Variants in GLRA3 observed in about 807,000 individuals in gnomAD.
GLRA3 encodes the protein glycine receptor alpha 3, also known as glycine receptor subunit alpha-3.
GLRA3 carries 44 observed loss-of-function variants against 60.4 expected under a neutral mutation model. The observed-to-expected ratio is 0.73, with a 90% CI of 0.57 to 0.94. The LOEUF (loss-of-function observed/expected upper bound fraction) is 0.94. GLRA3 is among the 40% of genes least tolerant of loss of function. The pLI is 0.00. For synonymous variants in GLRA3, 223 were observed against 192.9 expected (o/e 1.16, Z -1.29); for missense variants, 508 against 564.6 (o/e 0.90, Z 1.02).
chr4:174,680,520 AG>A (rs1043589292), intron 6 of GLRA3, among the ~76,000 whole-genome samples: 1 of 152,200 alleles, frequency 6.6e-6, no homozygotes, highest in East Asian at 1.9e-4. Context: ...TGGGAGTATT[AG>A]GCTTGGAACA....
intron 3 of GLRA3, among the ~76,000 whole-genome samples, chr4:174,763,505 C>T (rs1362025433): frequency 4.6e-5 from 7 of 152,308 alleles, no homozygotes; most frequent in Non-Finnish European, 7.4e-5. Flanking sequence ...TGTGTATGCA[C>T]CAAATTACAA....
Position 174,637,752 on chromosome 4 carries a change from T to C in GLRA3, c.*6034A>G, listed in dbSNP as rs1182640788. On this transcript the variant is annotated 3_prime_UTR_variant, in exon 10 of 10. Transcript: ENST00000274093. ...AAATTCATATTACTTTGTAGAGTTT[T>C]ATATAATATCTTCATATCTGAAATA... 6.6e-6 allele frequency: 1 copy of C among 152,214 alleles called. No individual in the cohort carries two copies. Among genetic ancestry groups the C allele is most frequent in the Non-Finnish European group, 1.5e-5 (1 of 68,040 alleles). The allele number at this position is 152,214 out of a possible 1,614,324, so 9.4% of individuals were successfully genotyped here.
Position 174,658,259 on chromosome 4 carries a change from T to C in GLRA3, c.1071+795A>G, listed in dbSNP as rs80010325. 4.5e-4 allele frequency among the ~76,000 whole-genome samples: 68 copies of C among 152,296 alleles called. 1 individual carries two copies. Among genetic ancestry groups the C allele is most frequent in the African/African-American group, 1.6e-3 (67 of 41,576 alleles). ...TAAAAGACCATTTGCTTTTAAAATG[T>C]CTGTTGGCACATTCACATTAGAAGT... On this transcript the variant is annotated intron_variant, in intron 8 of 9. Transcript: ENST00000274093.
intron 6 of GLRA3, among the ~76,000 whole-genome samples, chr4:174,682,225 T>G (rs1216536841): frequency 6.6e-6 from 1 of 152,202 alleles, no homozygotes; most frequent in Non-Finnish European, 1.5e-5. Flanking sequence ...AAATAGCCCA[T>G]GTTAGTTAAA....
At chr4:174,788,119 A>C (rs1353719997) in intron 2 of GLRA3, among the ~76,000 whole-genome samples, 1 of 152,086 alleles carries the variant, frequency 6.6e-6, no homozygotes, top group Non-Finnish European at 1.5e-5. Context: ...GAACATGTTA[A>C]ATAAGTTGGG....
At chr4:174,719,312 T>G (rs1188902402) in intron 4 of GLRA3, among the ~76,000 whole-genome samples, 1 of 152,178 alleles carries the variant, frequency 6.6e-6, no homozygotes, top group African/African-American at 2.4e-5. Flanking sequence ...ATTGAAGCAT[T>G]TTTCATGAAA....
At chr4:174,664,702 T>C (rs1375142230) in intron 7 of GLRA3, among the ~76,000 whole-genome samples, 3 of 152,228 alleles carry the variant, frequency 2.0e-5, no homozygotes, top group Non-Finnish European at 4.4e-5. Context: ...CTGATTGCAT[T>C]GCTTTAGGCT....
intron 3 of GLRA3, among the ~76,000 whole-genome samples, chr4:174,741,996 A>G (rs1737045937): frequency 6.6e-6 from 1 of 152,174 alleles, no homozygotes; most frequent in South Asian, 2.1e-4. Flanking sequence ...ACACAGAATA[A>G]TTGGCATTAG....
intron 5 of GLRA3, among the ~76,000 whole-genome samples, chr4:174,692,789 G>C (rs1734905489): frequency 1.3e-5 from 2 of 151,874 alleles, no homozygotes; most frequent in Admixed American, 1.3e-4. Flanking sequence ...AGTACCCAGG[G>C]ACACAAACAC....
intron 3 of GLRA3, among the ~76,000 whole-genome samples, chr4:174,750,655 T>A (rs1415943173): frequency 6.6e-6 from 1 of 152,098 alleles, no homozygotes; most frequent in East Asian, 1.9e-4. Flanking sequence ...AGGTGACAGA[T>A]AAAAACTTAG....
intron 5 of GLRA3, among the ~76,000 whole-genome samples, chr4:174,690,608 G>A (rs1165680665): frequency 6.6e-6 from 1 of 152,094 alleles, no homozygotes; most frequent in African/African-American, 2.4e-5. Flanking sequence ...CATCACCTAG[G>A]TATTAAGTCC....
Position 174,705,046 on chromosome 4 carries a change from C to T in GLRA3, c.574+10442G>A, listed in dbSNP as rs78290680. Reference sequence around the variant, plus strand: ...GTGAAGATACCAAATACTACTGAACCGAATGCTTGAAAATGGTTAAGATGG... The same window carrying T: ...GTGAAGATACCAAATACTACTGAACTGAATGCTTGAAAATGGTTAAGATGG... On this transcript the variant is annotated intron_variant, in intron 5 of 9. Transcript: ENST00000274093. 8.6e-3 allele frequency among the ~76,000 whole-genome samples: 1,233 copies of T among 143,280 alleles called. 128 individuals are homozygous for T. The highest frequency in any genetic ancestry group is 0.029 in the African/African-American group (1,173 of 39,810). 94.0% of individuals were successfully genotyped at this position (143,280 alleles called of 152,430 possible). A position where few individuals can be genotyped will look rare whatever the true frequency, so the allele number is the denominator to read the frequency against.
intron 7 of GLRA3, among the ~76,000 whole-genome samples, chr4:174,664,605 C>T (rs1713465873): frequency 1.3e-5 from 2 of 152,142 alleles, no homozygotes; most frequent in Admixed American, 1.3e-4. Flanking sequence ...CTTCCTTATA[C>T]TGTCATCACA....
intron 1 of GLRA3, among the ~76,000 whole-genome samples, chr4:174,824,414 C>G (rs1740876166): frequency 6.6e-6 from 1 of 152,150 alleles, no homozygotes; most frequent in Non-Finnish European, 1.5e-5. Flanking sequence ...TATTTTGAGT[C>G]AAGTTATAAA....
Position 174,642,098 on chromosome 4 carries a change from CT to C in GLRA3, c.*1687del. 1 of 886,136 alleles carries C rather than the reference CT, an allele frequency of 1.1e-6. No homozygotes were observed. The highest frequency in any genetic ancestry group is 5.2e-5 in the South Asian group (1 of 19,198). 54.9% of individuals were successfully genotyped at this position (886,136 alleles called of 1,614,324 possible). ...TTCCTTATAGTGTTGTTTTAAGTTA[CT>C]TATAAAGGAGGGGAACTTGGTCTTT... On this transcript the variant is annotated 3_prime_UTR_variant, in exon 10 of 10. Transcript: ENST00000274093.
intron 5 of GLRA3, among the ~76,000 whole-genome samples, chr4:174,702,976 T>A (rs954143975): frequency 3.9e-5 from 6 of 152,214 alleles, no homozygotes; most frequent in African/African-American, 1.4e-4. Flanking sequence ...GGAAGTGGTA[T>A]GAATCTCCCT....
intron 4 of GLRA3, among the ~76,000 whole-genome samples, chr4:174,721,760 T>G (rs960546466): frequency 2.0e-5 from 3 of 151,738 alleles, no homozygotes; most frequent in African/African-American, 7.3e-5. Flanking sequence ...AAAATATGTG[T>G]GTATATATAT....
At chr4:174,693,497 A>G (rs912689498) in intron 5 of GLRA3, among the ~76,000 whole-genome samples, 1 of 151,812 alleles carries the variant, frequency 6.6e-6, no homozygotes, top group Non-Finnish European at 1.5e-5. Flanking sequence ...TGGGCTCTCT[A>G]TTCTGTTCAG....
chr4:174,725,304 CA>C (rs1736282152), intron 4 of GLRA3, among the ~76,000 whole-genome samples: 1 of 152,154 alleles, frequency 6.6e-6, no homozygotes. Flanking sequence ...TCCACCCATA[CA>C]CTGAGCTTTC....
Sources: gnomAD v4.1 joint callset for allele counts (sites outside exome capture counted in the v4.1 genomes callset) on GRCh38, gnomAD v4.1.1 for gene constraint, MANE v1.5 for transcripts, NCBI Gene and HGNC (gene_info 2026-07-23, HGNC 2026-07-21) for gene names.